Variants in MTOR observed in about 807,000 individuals in gnomAD.
The protein encoded by MTOR is mechanistic target of rapamycin kinase, also known as serine/threonine-protein kinase mTOR.
Under a neutral mutation model 319.8 loss-of-function variants are expected in MTOR, and 70 were observed. That is an observed-to-expected ratio of 0.22 (90% CI 0.18 to 0.27). The LOEUF (loss-of-function observed/expected upper bound fraction) is 0.27, where lower values mean the gene tolerates loss of function less well. Among genes scored for constraint, MTOR ranks in the 10% least tolerant of loss-of-function variants. MTOR has a pLI of 1.00. For missense variants in MTOR, 1,890 were observed against 3,274.4 expected (o/e 0.58, Z 10.32); for synonymous variants, 1,183 against 1,211.4 (o/e 0.98, Z 0.49).
chr1:11,157,030 C>G, intron 30 of MTOR, 122 bp downstream of exon 30: 1 of 1,249,068 alleles, frequency 8.0e-7, no homozygotes, highest in Non-Finnish European at 1.1e-6. Context: ...TGAGAAGTAT[C>G]AAGTGGAACA....
chr1:11,124,375 A>T, intron 47 of MTOR, 123 bp downstream of exon 47: 1 of 1,280,918 alleles, frequency 7.8e-7, no homozygotes, highest in Non-Finnish European at 1.1e-6. Flanking sequence ...GGCATGAGTT[A>T]CCATGCCTGG....
At position 11,128,825 on chromosome 1, in the gene MTOR, C is replaced by T. The variant is rs17848558; in HGVS notation, c.5811+30G>A. 7 of 1,567,732 alleles carry T rather than the reference C, an allele frequency of 4.5e-6. No homozygotes were observed. In the African/African-American group the frequency reaches 8.1e-5, roughly 18 times the overall value. On this transcript the variant is annotated intron_variant, in intron 41 of 57. Coordinates refer to ENST00000361445, the MANE Select transcript of MTOR (RefSeq NM_004958.4). The surrounding 1 kb of genome is among the most constrained non-coding windows in gnomAD (Gnocchi z 5.3). ...AGACACACAGAAGAGAGACTTGGAGCCACCTTCACCTGTAACCAAGTATCC... is the reference window on the plus strand; with the variant it reads ...AGACACACAGAAGAGAGACTTGGAGTCACCTTCACCTGTAACCAAGTATCC...
chr1:11,156,881 T>C (rs1033522888), intron 30 of MTOR, among the ~76,000 whole-genome samples: 19 of 151,732 alleles, frequency 1.3e-4, no homozygotes, highest in Admixed American at 7.9e-4. Flanking sequence ...ATCAGGAGAG[T>C]AGACAGGAGA....
At chr1:11,252,652 T>G (rs1649847033) in intron 6 of MTOR, among the ~76,000 whole-genome samples, 1 of 152,202 alleles carries the variant, frequency 6.6e-6, no homozygotes, top group Non-Finnish European at 1.5e-5. Context: ...TTCTGCACAC[T>G]GCTGCATGCG....
chr1:11,116,900 T>G, intron 50 of MTOR, 104 bp downstream of exon 50: 1 of 858,096 alleles, frequency 1.2e-6, no homozygotes, highest in Non-Finnish European at 1.9e-6. Flanking sequence ...ATACCAATAT[T>G]TATTTACCAA....
At chr1:11,112,989 C>A (rs182594527) in intron 53 of MTOR, 72 bp from the exon 54 acceptor site, 2 of 1,458,554 alleles carry the variant, frequency 1.4e-6, no homozygotes, top group African/African-American at 2.8e-5. Flanking sequence ...TTATTTTCTT[C>A]CAGTCATAAA....
intron 45 of MTOR, 56 bp from the exon 46 acceptor site, chr1:11,126,852 C>T: frequency 6.3e-7 from 1 of 1,590,248 alleles, no homozygotes; most frequent in Non-Finnish European, 8.6e-7. Flanking sequence ...AATTTAAACG[C>T]AATTTAAGTA....
rs533405069 is a variant in MTOR at position 11,241,594 on chromosome 1, A to G, written c.1500T>C (p.Asp500=). The change falls in exon 10 of 58, where the codon GAT becomes GAC. Residue 500 remains aspartate, a synonymous_variant. Transcript: ENST00000361445. ...GCATGGGCTCCAGCAGCTCCTTGAT[A>G]TCCTGCTGGATGCCTGGCCCCATTG... ...ARAMGPGIQQ[D]IKELLEPMLA... The G allele has an allele frequency of 5.8e-5, 93 of 1,614,024 alleles. 1 individual carries two copies. In the South Asian group the frequency reaches 9.8e-4, roughly 17 times the overall value.
intron 28 of MTOR, chr1:11,192,438 A>C: frequency 7.7e-7 from 1 of 1,303,308 alleles, no homozygotes; most frequent in Non-Finnish European, 1.1e-6. Flanking sequence ...GGACTACAAC[A>C]ACAGGGCCAT....
chr1:11,209,458 C>G lies in MTOR; in HGVS notation c.3655G>C (p.Gly1219Arg). The G allele has an allele frequency of 6.2e-7, 1 of 1,614,044 alleles. No homozygotes were observed. The highest frequency in any genetic ancestry group is 8.5e-7 in the Non-Finnish European group (1 of 1,179,982). Reference protein sequence around the residue: ...YDVLICRIVKGYTLADEEEDP... With the variant: ...YDVLICRIVKRYTLADEEEDP... ...TCCTCTTCATCAGCAAGTGTGTATC[C>G]CTACAACCAAAGATTTATAGGAAAC... Residue 1219 changes from glycine (G) to arginine (R), a missense_variant and splice_region_variant, in exon 25 of 58, where the codon GGA (glycine) becomes CGA (arginine). By Grantham distance (125) the Gly-to-Arg change is moderately radical. Coordinates refer to ENST00000361445, the MANE Select transcript of MTOR (RefSeq NM_004958.4).
Position 11,246,799 on chromosome 1 carries a change from A to G in MTOR, c.1225+826T>C, listed in dbSNP as rs374101148. ...ACTCAGCAAGTAGAGAGGTAAGACAAGGACATTAAGTATGAACAGGCAACT... is the reference window on the plus strand; with the variant it reads ...ACTCAGCAAGTAGAGAGGTAAGACAGGGACATTAAGTATGAACAGGCAACT... On this transcript the variant is annotated intron_variant, in intron 8 of 57. Coordinates refer to ENST00000361445, the MANE Select transcript of MTOR (RefSeq NM_004958.4). 5.3e-5 allele frequency among the ~76,000 whole-genome samples: 8 copies of G among 152,362 alleles called. No homozygotes were observed. The East Asian group carries it at 9.6e-4, about 18-fold the overall frequency.
Position 11,128,711 on chromosome 1 carries a change from C to T in MTOR, c.5811+144G>A. The T allele has an allele frequency of 1.0e-6, 1 of 1,004,212 alleles. No homozygotes were observed. The highest frequency in any genetic ancestry group is 1.5e-6 in the Non-Finnish European group (1 of 669,258). 62.2% of individuals were successfully genotyped at this position (1,004,212 alleles called of 1,614,324 possible). ...TAAAAGAAAATAAAGAAAATATGGA[C>T]ACTTGACACTGGGACCGAGCCCTAC... On this transcript the variant is annotated intron_variant, in intron 41 of 57. Transcript: ENST00000361445. This position sits in a 1 kb window ranked among gnomAD's most constrained non-coding sequence, Gnocchi z 5.3.
In MTOR at chr1:11,189,564, C is replaced by T. The variant is rs370050492; in HGVS notation, c.4253+9694G>A. The T allele has an allele frequency of 3.2e-5, 50 of 1,578,174 alleles. No homozygotes were observed. The Middle Eastern group carries it at 1.2e-3, about 38-fold the overall frequency. ...TCCCCTGAAGGAAGAGCCTTCCTCA[C>T]CCAAACCCACAAAAGATGCTGAAAA... On this transcript the variant is annotated intron_variant, in intron 28 of 57. Coordinates refer to ENST00000361445, the MANE Select transcript of MTOR (RefSeq NM_004958.4).
chr1:11,199,833 G>A lies in MTOR; in HGVS notation c.3945-130C>T, dbSNP rs548753940. 9.4e-4 allele frequency: 808 copies of A among 861,888 alleles called. 4 individuals are homozygous for A. The Middle Eastern group carries it at 9.9e-3, about 11-fold the overall frequency. The allele number at this position is 861,888 out of a possible 1,614,324, so 53.4% of individuals were successfully genotyped here. ...ACAAACCAGTGCTATACAGACCAGT[G>A]CTGTCCAAGAGAATTTTCCTGTCCA... On this transcript the variant is annotated intron_variant, in intron 26 of 57. Transcript: ENST00000361445. This position sits in a 1 kb window ranked among gnomAD's most constrained non-coding sequence, Gnocchi z 4.5.
intron 28 of MTOR, among the ~76,000 whole-genome samples, chr1:11,191,629 T>C (rs1645534238): frequency 6.6e-6 from 1 of 152,212 alleles, no homozygotes; most frequent in Non-Finnish European, 1.5e-5. Flanking sequence ...TCCATGGCCC[T>C]AGAGTAAAAA....
At chr1:11,117,943 G>T (rs1642261394) in intron 49 of MTOR, among the ~76,000 whole-genome samples, 1 of 152,034 alleles carries the variant, frequency 6.6e-6, no homozygotes, top group Non-Finnish European at 1.5e-5. Context: ...AGCCGGGTGT[G>T]GTGGTGCGTG....
rs10864495 is a variant in MTOR, at chr1:11,232,609, T to A, written c.2422-81A>T. ...TATTTTGGAGGCCGGGCACGGTGGC[T>A]CATGCCTGTAATCCCAGCACTTTGG... On this transcript the variant is annotated intron_variant, in intron 15 of 57. Coordinates refer to ENST00000361445, the MANE Select transcript of MTOR (RefSeq NM_004958.4). 779,168 of 1,156,854 alleles carry A rather than the reference T, an allele frequency of 0.67. 272,263 individuals are homozygous for A. Among genetic ancestry groups the A allele is most frequent in the East Asian group, 0.8 (32,708 of 41,114 alleles). 71.7% of individuals were successfully genotyped at this position (1,156,854 alleles called of 1,614,324 possible). A position where few individuals can be genotyped will look rare whatever the true frequency, so the allele number is the denominator to read the frequency against.
At chr1:11,231,841 T>C (rs1647027229) in intron 16 of MTOR, among the ~76,000 whole-genome samples, 1 of 152,060 alleles carries the variant, frequency 6.6e-6, no homozygotes, top group African/African-American at 2.4e-5. Flanking sequence ...TCTTCCCATC[T>C]TAGCCTCCAA....
chr1:11,238,315 T>G, intron 12 of MTOR, 87 bp downstream of exon 12: 1 of 1,384,526 alleles, frequency 7.2e-7, no homozygotes, highest in South Asian at 1.2e-5. Flanking sequence ...CGAAGAACTC[T>G]AGAGAGGCCA....
Sources: gnomAD v4.1 joint callset for allele counts (sites outside exome capture counted in the v4.1 genomes callset) on GRCh38, gnomAD v4.1.1 for gene constraint, Gnocchi (gnomAD v3.1) non-coding constraint, MANE v1.5 for transcripts, NCBI Gene and HGNC (gene_info 2026-07-23, HGNC 2026-07-21) for gene names.